The following ROR1 variants were observed in gnomAD, a reference collection of about 807,000 sequenced individuals.
The protein encoded by ROR1 is inactive tyrosine-protein kinase transmembrane receptor ROR1.
Under a neutral mutation model 78.8 loss-of-function variants are expected in ROR1, and 19 were observed. That is an observed-to-expected ratio of 0.24 (90% CI 0.17 to 0.35). ROR1 has a LOEUF of 0.35. Among genes scored for constraint, ROR1 ranks in the 10% least tolerant of loss-of-function variants. ROR1 has a pLI of 1.00. For synonymous variants in ROR1, 386 were observed against 433.6 expected (o/e 0.89, Z 1.36); for missense variants, 917 against 1,177.8 (o/e 0.78, Z 3.24).
intron 4 of ROR1, among the ~76,000 whole-genome samples, chr1:64,104,647 T>G (rs1647715891): frequency 6.6e-6 from 1 of 152,088 alleles, no homozygotes; most frequent in Non-Finnish European, 1.5e-5. Flanking sequence ...GTGTGTGCTG[T>G]TCCCCTCCCT....
chr1:63,861,105 C>T (rs953781851), intron 1 of ROR1, among the ~76,000 whole-genome samples: 7 of 152,240 alleles, frequency 4.6e-5, no homozygotes, highest in Middle Eastern at 3.4e-3. Flanking sequence ...AAGGTTTTCT[C>T]TCTTTGGAAA....
chr1:64,141,319 T>C (rs993467213), intron 6 of ROR1, among the ~76,000 whole-genome samples: 1 of 151,524 alleles, frequency 6.6e-6, no homozygotes, highest in Non-Finnish European at 1.5e-5. Context: ...CTGCAGAAGG[T>C]GAACGGAGAG....
chr1:64,100,352 G>A (rs1339868298), intron 4 of ROR1, among the ~76,000 whole-genome samples: 1 of 152,002 alleles, frequency 6.6e-6, no homozygotes, highest in Non-Finnish European at 1.5e-5. Flanking sequence ...GCTAGGCATA[G>A]CAGTGTGTTC....
chr1:63,922,349 T>C (rs1645662601), intron 1 of ROR1, among the ~76,000 whole-genome samples: 1 of 152,260 alleles, frequency 6.6e-6, no homozygotes, highest in Non-Finnish European at 1.5e-5. Context: ...GTTTTGTTTC[T>C]CTTTGTAAAA....
At chr1:64,154,993 G>A (rs1306755055) in intron 7 of ROR1, among the ~76,000 whole-genome samples, 1 of 152,150 alleles carries the variant, frequency 6.6e-6, no homozygotes, top group Non-Finnish European at 1.5e-5. Context: ...GGACTCTTAA[G>A]GAGAATGATG....
At chr1:63,876,282 A>G (rs935069462) in intron 1 of ROR1, among the ~76,000 whole-genome samples, 2 of 152,174 alleles carry the variant, frequency 1.3e-5, no homozygotes, top group Non-Finnish European at 2.9e-5. Context: ...GCACTGGTCT[A>G]TTGATTCATA....
chr1:63,987,223 A>G (rs1570018480), intron 1 of ROR1, among the ~76,000 whole-genome samples: 1 of 152,182 alleles, frequency 6.6e-6, no homozygotes, highest in South Asian at 2.1e-4. Context: ...CTGCAGAATT[A>G]TGTCAGTGGA....
At chr1:63,838,942 G>A (rs908163407) in intron 1 of ROR1, among the ~76,000 whole-genome samples, 6 of 152,144 alleles carry the variant, frequency 3.9e-5, no homozygotes, top group Non-Finnish European at 8.8e-5. Flanking sequence ...ATTCAGTATG[G>A]TAACATGCTG....
intron 1 of ROR1, among the ~76,000 whole-genome samples, chr1:63,864,735 C>T (rs1056841621): frequency 6.6e-6 from 1 of 151,806 alleles, no homozygotes; most frequent in Non-Finnish European, 1.5e-5. Context: ...TGGAACTCTG[C>T]TGCTGTGGAG....
At chr1:63,861,762 T>C (rs1483918960) in intron 1 of ROR1, among the ~76,000 whole-genome samples, 1 of 152,130 alleles carries the variant, frequency 6.6e-6, no homozygotes, top group Non-Finnish European at 1.5e-5. Flanking sequence ...GAAACTACAA[T>C]ATCAGGATGT....
At chr1:63,878,212 G>A (rs1279615311) in intron 1 of ROR1, among the ~76,000 whole-genome samples, 1 of 152,158 alleles carries the variant, frequency 6.6e-6, no homozygotes, top group Non-Finnish European at 1.5e-5. Flanking sequence ...GCCCGTGAAG[G>A]ACCAGGGAGG....
chr1:63,853,757 G>T (rs1277569723), intron 1 of ROR1, among the ~76,000 whole-genome samples: 1 of 152,078 alleles, frequency 6.6e-6, no homozygotes, highest in Non-Finnish European at 1.5e-5. Context: ...CCAAATATGA[G>T]GTTTCCTTAG....
intron 7 of ROR1, among the ~76,000 whole-genome samples, chr1:64,149,799 G>A (rs1649570211): frequency 6.6e-6 from 1 of 152,140 alleles, no homozygotes; most frequent in African/African-American, 2.4e-5. Context: ...TTTCTAACTG[G>A]CATCTAGGCA....
At chr1:64,028,991 A>G (rs147165906) in intron 2 of ROR1, 9 of 152,176 alleles carry the variant, frequency 5.9e-5, no homozygotes, top group African/African-American at 1.9e-4. Context: ...TGTGCTGCCA[A>G]AACAAGCCCC....
chr1:64,109,620 C>G lies in ROR1; in HGVS notation c.483-27749C>G, dbSNP rs1647994189. Among the ~76,000 whole-genome samples the G allele has an allele frequency of 2.6e-5, 4 of 152,154 alleles. No individual in the cohort carries two copies. In the South Asian group the frequency reaches 8.3e-4, roughly 32 times the overall value. Reference sequence around the variant, plus strand: ...TCGGCTCACTGCGACCTCAACCTCCCAGGTTCAACCAATCCTCGTGCATCA... The same window carrying G: ...TCGGCTCACTGCGACCTCAACCTCCGAGGTTCAACCAATCCTCGTGCATCA... On this transcript the variant is annotated intron_variant, in intron 4 of 8. Coordinates refer to ENST00000371079, the MANE Select transcript of ROR1 (RefSeq NM_005012.4).
chr1:64,122,237 G>A (rs1648567716), intron 4 of ROR1, among the ~76,000 whole-genome samples: 1 of 152,196 alleles, frequency 6.6e-6, no homozygotes, highest in African/African-American at 2.4e-5. Flanking sequence ...AGTCATCAAT[G>A]CAATTTAACC....
chr1:64,083,482 G>C (rs1218979483), intron 4 of ROR1, among the ~76,000 whole-genome samples: 1 of 147,222 alleles, frequency 6.8e-6, no homozygotes, highest in Non-Finnish European at 1.5e-5. Context: ...CCATGAATGA[G>C]AGGAGGGAAA....
At chr1:64,020,181 C>G (rs1646553519) in intron 2 of ROR1, among the ~76,000 whole-genome samples, 1 of 152,120 alleles carries the variant, frequency 6.6e-6, no homozygotes, top group African/African-American at 2.4e-5. Flanking sequence ...ATGCTTTAAG[C>G]CACTAAGTTT....
At chr1:64,126,883 T>C (rs1648730009) in intron 4 of ROR1, among the ~76,000 whole-genome samples, 2 of 152,160 alleles carry the variant, frequency 1.3e-5, no homozygotes, top group Admixed American at 1.3e-4. Flanking sequence ...GATCTTTTTC[T>C]GTTCATTATC....
Sources: gnomAD v4.1 joint callset for allele counts (sites outside exome capture counted in the v4.1 genomes callset) on GRCh38, gnomAD v4.1.1 for gene constraint, MANE v1.5 for transcripts, NCBI Gene and HGNC (gene_info 2026-07-23, HGNC 2026-07-21) for gene names.